The following F5 variants were observed in gnomAD, a reference collection of about 807,000 sequenced individuals.
The protein encoded by F5 is coagulation factor V.
In F5, 138 loss-of-function variants were observed where a neutral mutation model predicts 216.4. The observed-to-expected ratio is 0.64, with a 90% CI of 0.56 to 0.73. The LOEUF (loss-of-function observed/expected upper bound fraction) is 0.73, where lower values mean the gene tolerates loss of function less well. Among genes scored for constraint, F5 ranks in the 30% least tolerant of loss-of-function variants. The probability of loss-of-function intolerance (pLI) is 0.00; values close to 1 mark genes in which losing one functional copy is unlikely to be tolerated. For synonymous variants in F5, 916 were observed against 930.7 expected (o/e 0.98, Z 0.29); for missense variants, 2,403 against 2,674.0 (o/e 0.90, Z 2.24).
intron 11 of F5, among the ~76,000 whole-genome samples, chr1:169,545,339 G>A (rs1659972959): frequency 6.6e-6 from 1 of 152,174 alleles, no homozygotes; most frequent in Admixed American, 6.5e-5. Context: ...AGACTGGACT[G>A]AGATATGCTG....
In F5 at chr1:169,555,244, G is replaced by A. The variant is rs1253775224; in HGVS notation, c.1056C>T (p.Tyr352=). 6.2e-7 allele frequency: 1 copy of A among 1,614,114 alleles called. No homozygotes were observed. ...EQRRHMKRWE[Y]FIAAEEVIWD... ...AAATGACTTCCTCTGCAGCAATGAA[G>A]TATTCCCACCTCTTCATGTGCCGCC... The change falls in exon 7 of 25, where the codon TAC becomes TAT. Residue 352 remains tyrosine, a synonymous_variant. Transcript: ENST00000367797.
chr1:169,521,048 G>A (rs1467215444), intron 21 of F5, among the ~76,000 whole-genome samples: 1 of 152,094 alleles, frequency 6.6e-6, no homozygotes, highest in Non-Finnish European at 1.5e-5. Context: ...AAACACCAAT[G>A]AGTACAGACT....
chr1:169,554,850 T>G lies in F5; in HGVS notation c.1118+332A>C, dbSNP rs182206213. Reference sequence around the variant, plus strand: ...ATTTGAATTTCCAAATCTCTTAATCTCTCAGACCCATTTCCTCATCTATAA... The same window carrying G: ...ATTTGAATTTCCAAATCTCTTAATCGCTCAGACCCATTTCCTCATCTATAA... On this transcript the variant is annotated intron_variant, in intron 7 of 24. Coordinates refer to ENST00000367797, the MANE Select transcript of F5 (RefSeq NM_000130.5). Among the ~76,000 whole-genome samples the G allele has an allele frequency of 2.0e-5, 3 of 152,338 alleles. No individual in the cohort carries two copies. In the East Asian group the frequency reaches 5.8e-4, roughly 29 times the overall value.
intron 1 of F5, among the ~76,000 whole-genome samples, chr1:169,583,967 G>T (rs1483884007): frequency 6.6e-6 from 1 of 152,174 alleles, no homozygotes; most frequent in African/African-American, 2.4e-5. Context: ...AGTTGAATAT[G>T]AATTAAATGA....
chr1:169,523,274 T>C lies in F5; in HGVS notation c.5971A>G (p.Thr1991Ala). 1.9e-6 allele frequency: 3 copies of C among 1,614,124 alleles called. No individual in the cohort carries two copies. In the South Asian group the frequency reaches 3.3e-5, roughly 18 times the overall value. The change falls in exon 21 of 25, where the codon ACA becomes GCA. Residue 1991 changes from threonine to alanine, a missense_variant. By Grantham distance (58) the Thr-to-Ala change is moderately conservative (BLOSUM62 0). Coordinates refer to ENST00000367797, the MANE Select transcript of F5 (RefSeq NM_000130.5). The part of the protein sequence containing the change: ...AKHYLKSCYT[T>A]EFYVAYSSNQ... ...GAACTGTAAGCTACATAGAACTCTGTGGTATAGCAGGACTTCAGGTAGTGT... is the reference window on the plus strand; with the variant it reads ...GAACTGTAAGCTACATAGAACTCTGCGGTATAGCAGGACTTCAGGTAGTGT...
In F5 at chr1:169,512,476, A is replaced by G. The variant is rs1659050885; in HGVS notation, c.*1837T>C. Among the ~76,000 whole-genome samples the G allele has an allele frequency of 6.6e-6, 1 of 152,072 alleles. No individual in the cohort carries two copies. Among genetic ancestry groups the G allele is most frequent in the African/African-American group, 2.4e-5 (1 of 41,432 alleles). ...AATGTCGAATTCCTTCTTAAAAAAT[A>G]AAGGATTTCAAGAGGGTAACTGCAA... On this transcript the variant is annotated 3_prime_UTR_variant, in exon 25 of 25. Coordinates refer to ENST00000367797, the MANE Select transcript of F5 (RefSeq NM_000130.5).
intron 2 of F5, among the ~76,000 whole-genome samples, chr1:169,572,829 C>T (rs964163358): frequency 3.3e-5 from 5 of 152,072 alleles, no homozygotes; most frequent in Admixed American, 2.6e-4. Context: ...GTAAGAAAAA[C>T]AGTACGGGAA....
chr1:169,584,623 T>G lies in F5; in HGVS notation c.158+1606A>C, dbSNP rs116815474. Among the ~76,000 whole-genome samples, 1,035 of 152,330 alleles carry G rather than the reference T, an allele frequency of 6.8e-3. 14 individuals are homozygous for G. Among genetic ancestry groups the G allele is most frequent in the African/African-American group, 0.024 (1,001 of 41,576 alleles). On this transcript the variant is annotated intron_variant, in intron 1 of 24. Transcript: ENST00000367797. ...AAATACACTTTGCCAAAAGATGGAGTTGGCTATGTTGATATTCACCTAGTG... is the reference window on the plus strand; with the variant it reads ...AAATACACTTTGCCAAAAGATGGAGGTGGCTATGTTGATATTCACCTAGTG...
chr1:169,575,030 A>G (rs1439676486), intron 2 of F5, among the ~76,000 whole-genome samples: 4 of 152,210 alleles, frequency 2.6e-5, no homozygotes, highest in Non-Finnish European at 4.4e-5. Flanking sequence ...TTTTAAACAA[A>G]TGATCACAAA....
rs145368216 is a variant in F5, at chr1:169,571,305, A to G, written c.373+916T>C. ...CCATCATTGTCATCATTATTTATAG[A>G]GAGCTTATCCGATCCCAGGAACCAT... On this transcript the variant is annotated intron_variant, in intron 3 of 24. Transcript: ENST00000367797. Among the ~76,000 whole-genome samples the G allele has an allele frequency of 1.1e-4, 16 of 152,260 alleles. No individual in the cohort carries two copies. In the East Asian group the frequency reaches 2.9e-3, roughly 28 times the overall value.
chr1:169,530,551 C>G (rs759439444), intron 15 of F5, among the ~76,000 whole-genome samples: 5 of 152,214 alleles, frequency 3.3e-5, no homozygotes, highest in Non-Finnish European at 5.9e-5. Context: ...CATGGCCAAT[C>G]ATTCAAGTAA....
At chr1:169,566,976 T>C (rs1228248736) in intron 3 of F5, among the ~76,000 whole-genome samples, 1 of 152,018 alleles carries the variant, frequency 6.6e-6, no homozygotes, top group Non-Finnish European at 1.5e-5. Flanking sequence ...GTGATTTTCT[T>C]AGTTTGGGTT....
chr1:169,541,132 G>A lies in F5; in HGVS notation c.3958C>T (p.Pro1320Ser), dbSNP rs1287547910. ...GTATGGCTGAGGTCTGGAGAAATGG[G>A]CATCTGACCGAGGGCTGGGGAAAGG... is the stretch of plus-strand genomic sequence containing the variant. ...TNLSPALGQM[P>S]ISPDLSHTTL... The change falls in exon 13 of 25, where the codon CCC becomes TCC. Residue 1320 changes from proline to serine, a missense_variant. By Grantham distance (74) the Pro-to-Ser change is moderately conservative. Transcript: ENST00000367797. 3 of 1,572,802 alleles carry A rather than the reference G, an allele frequency of 1.9e-6. No homozygotes were observed. The South Asian group carries it at 3.6e-5, about 19-fold the overall frequency.
rs142201768 is a variant in F5, at chr1:169,514,388, A to G, written c.6600T>C (p.Phe2200=). The change falls in exon 25 of 25, where the codon TTT becomes TTC. Residue 2200 remains phenylalanine, a synonymous_variant. Coordinates refer to ENST00000367797, the MANE Select transcript of F5 (RefSeq NM_000130.5). ...NFFNPPIISR[F]IRVIPKTWNQ... ...TCCATGTTTTAGGAATGACACGGAT[A>G]AACCTGGAAATGATTGGGGGGTTGA... 32 of 1,613,362 alleles carry G rather than the reference A, an allele frequency of 2.0e-5. No individual in the cohort carries two copies. In the African/African-American group the frequency reaches 3.9e-4, roughly 19 times the overall value.
At position 169,572,276 on chromosome 1, in the gene F5, T is replaced by C. The variant is rs1188689703; in HGVS notation, c.318A>G (p.Ala106=). ...GAGGATGGATGCTCAAGGGCTTATC[T>C]GCCTTATTTTTAAAGTGAACTTTTA... is the stretch of plus-strand genomic sequence containing the variant. ...DIIKVHFKNK[A]DKPLSIHPQG... Residue 106 remains alanine (A), a synonymous_variant, in exon 3 of 25, where the codon GCA becomes GCG. Coordinates refer to ENST00000367797, the MANE Select transcript of F5 (RefSeq NM_000130.5). 1.2e-6 allele frequency: 2 copies of C among 1,613,194 alleles called. No individual in the cohort carries two copies. The highest frequency in any genetic ancestry group is 1.7e-6 in the Non-Finnish European group (2 of 1,179,638).
At position 169,559,234 on chromosome 1, in the gene F5, C is replaced by G. The variant is rs762395683; in HGVS notation, c.649G>C (p.Val217Leu). ...CTCCAGCTCTTGCTTTCATCAAACACAGCAAATAGTAGCACGATTTGCTTG... is the reference window on the plus strand; with the variant it reads ...CTCCAGCTCTTGCTTTCATCAAACAGAGCAAATAGTAGCACGATTTGCTTG... The part of the protein sequence containing the change: ...FDKQIVLLFA[V>L]FDESKSWSQS... The change falls in exon 5 of 25, where the codon GTG (valine) becomes CTG (leucine). Residue 217 changes from valine to leucine, a missense_variant. This residue lies in a region of F5 where 1,425 missense variants were observed against 1,554.8 expected (regional missense o/e 0.92). Coordinates refer to ENST00000367797, the MANE Select transcript of F5 (RefSeq NM_000130.5). 2.5e-6 allele frequency: 4 copies of G among 1,613,782 alleles called. No homozygotes were observed. The South Asian group carries it at 4.4e-5, about 18-fold the overall frequency.
At chr1:169,576,971 CA>C (rs1455822575) in intron 2 of F5, among the ~76,000 whole-genome samples, 2 of 152,154 alleles carry the variant, frequency 1.3e-5, no homozygotes, top group East Asian at 3.8e-4. Flanking sequence ...AGATTTAAGG[CA>C]AAACAAAAGG....
intron 3 of F5, among the ~76,000 whole-genome samples, chr1:169,569,693 A>G (rs1660682989): frequency 6.6e-6 from 1 of 152,112 alleles, no homozygotes; most frequent in Non-Finnish European, 1.5e-5. Context: ...ATGTCCTTAC[A>G]AGCATTTTTA....
intron 6 of F5, 52 bp downstream of exon 6, chr1:169,556,594 G>T: frequency 6.4e-7 from 1 of 1,571,090 alleles, no homozygotes; most frequent in Non-Finnish European, 8.8e-7. Flanking sequence ...GTTAGTGCAT[G>T]GGAAGAAAGG....
Sources: gnomAD v4.1 joint callset for allele counts (sites outside exome capture counted in the v4.1 genomes callset) on GRCh38, gnomAD v4.1.1 for gene constraint, gnomAD v4.1.1 regional missense constraint, MANE v1.5 for transcripts, NCBI Gene and HGNC (gene_info 2026-07-23, HGNC 2026-07-21) for gene names.